ROBO2: variants seen among roughly 807,000 people sequenced by gnomAD.
ROBO2 encodes the protein roundabout homolog 2.
Under a neutral mutation model 160.8 loss-of-function variants are expected in ROBO2, and 53 were observed. That is an observed-to-expected ratio of 0.33 (90% CI 0.26 to 0.41). The LOEUF is 0.41. ROBO2 is among the 10% of genes least tolerant of loss of function. ROBO2 has a pLI of 1.00. For missense variants in ROBO2, 1,577 were observed against 1,722.4 expected, an observed-to-expected ratio of 0.92 and a Z score of 1.49; for synonymous variants, 664 against 611.7, an observed-to-expected ratio of 1.09 and a Z score of -1.26.
chr3:76,503,647 A>G (rs573984196), intron 2 of ROBO2, among the ~76,000 whole-genome samples: 1 of 152,336 alleles, frequency 6.6e-6, no homozygotes, highest in East Asian at 1.9e-4. Flanking sequence ...ATTTCGTGAC[A>G]ACACAGATGA....
At chr3:76,492,717 T>A (rs1044264006) in intron 2 of ROBO2, among the ~76,000 whole-genome samples, 13 of 152,176 alleles carry the variant, frequency 8.5e-5, no homozygotes, top group Admixed American at 7.9e-4. Context: ...ATACAGCTTT[T>A]TTTTTAGAGT....
At chr3:77,597,712 GGA>G (rs144828053) in intron 19 of ROBO2, among the ~76,000 whole-genome samples, 87,727 of 150,914 alleles carry the variant, frequency 0.58, 25,457 homozygotes, top group Middle Eastern at 0.68. Flanking sequence ...TCAAAAGTAT[GGA>G]AAAAAAAAAG....
intron 2 of ROBO2, among the ~76,000 whole-genome samples, chr3:77,148,059 A>G (rs964698986): frequency 6.6e-6 from 1 of 152,232 alleles, no homozygotes; most frequent in African/African-American, 2.4e-5. Flanking sequence ...TTGCATGACT[A>G]ATTTCCTGTC....
intron 2 of ROBO2, among the ~76,000 whole-genome samples, chr3:76,165,624 C>T (rs1014057000): frequency 5.9e-5 from 9 of 152,090 alleles, no homozygotes; most frequent in African/African-American, 2.2e-4. Flanking sequence ...TTTTAGCCTC[C>T]CTTGGCTGTT....
At chr3:76,788,781 A>C (rs2063160691) in intron 2 of ROBO2, among the ~76,000 whole-genome samples, 1 of 151,566 alleles carries the variant, frequency 6.6e-6, no homozygotes. Context: ...ATATTTCAGT[A>C]GTCGGGCCTT....
intron 2 of ROBO2, among the ~76,000 whole-genome samples, chr3:77,275,463 C>T (rs1380087905): frequency 6.6e-6 from 1 of 152,108 alleles, no homozygotes; most frequent in Non-Finnish European, 1.5e-5. Flanking sequence ...TACTTTGTGG[C>T]TAAAGATATT....
At chr3:76,099,209 C>T (rs6806589) in intron 2 of ROBO2, among the ~76,000 whole-genome samples, 83,968 of 151,766 alleles carry the variant, frequency 0.55, 23,704 homozygotes, top group Middle Eastern at 0.74. Flanking sequence ...TCCTTTTCTC[C>T]TCTTCTATCT....
intron 2 of ROBO2, among the ~76,000 whole-genome samples, chr3:76,093,500 A>AATGAT (rs2069316416): frequency 6.8e-6 from 1 of 148,114 alleles, no homozygotes; most frequent in Admixed American, 6.8e-5. Flanking sequence ...TATAATATAA[A>AATGAT]ATATTTATAC....
At position 77,635,059 on chromosome 3, in the gene ROBO2, T is replaced by C. The variant is rs1456465703; in HGVS notation, c.3934+16T>C. On this transcript the variant is annotated intron_variant, in intron 24 of 25. Transcript: ENST00000461745. Reference sequence around the variant, plus strand: ...ATGACAGATGGTAGGTTTCTTCCCTTTACTCTTGTTTCCTCGCTGAAGAGA... The same window carrying C: ...ATGACAGATGGTAGGTTTCTTCCCTCTACTCTTGTTTCCTCGCTGAAGAGA... 2 of 1,613,432 alleles carry C rather than the reference T, an allele frequency of 1.2e-6. No homozygotes were observed. The highest frequency in any genetic ancestry group is 1.6e-4 in the Middle Eastern group (1 of 6,062).
At chr3:76,434,316 C>T in intron 2 of ROBO2, 1 of 1,122,684 alleles carries the variant, frequency 8.9e-7, no homozygotes, top group Admixed American at 1.7e-5. Flanking sequence ...TTTGTTGGCA[C>T]CCATCTCAGA....
chr3:77,061,944 G>A (rs768737903), intron 1 of ROBO2, among the ~76,000 whole-genome samples: 22 of 152,132 alleles, frequency 1.4e-4, no homozygotes, highest in African/African-American at 1.9e-4. Context: ...ACACTGATCT[G>A]GTTCTTTCTT....
chr3:76,056,366 T>C (rs1326280701), intron 2 of ROBO2, among the ~76,000 whole-genome samples: 1 of 152,180 alleles, frequency 6.6e-6, no homozygotes, highest in East Asian at 1.9e-4. Flanking sequence ...TAGAATATAG[T>C]TCTAATACTA....
chr3:76,966,846 C>T (rs1403862504), intron 2 of ROBO2, among the ~76,000 whole-genome samples: 1 of 152,192 alleles, frequency 6.6e-6, no homozygotes, highest in Non-Finnish European at 1.5e-5. Flanking sequence ...GGTTCAAAAA[C>T]AGGAGGTTAA....
At chr3:76,699,943 G>A (rs1427454789) in intron 2 of ROBO2, among the ~76,000 whole-genome samples, 1 of 152,054 alleles carries the variant, frequency 6.6e-6, no homozygotes, top group Non-Finnish European at 1.5e-5. Flanking sequence ...ACAGAGCATG[G>A]TAAATGCAAC....
At chr3:76,067,554 A>G (rs1001270976) in intron 2 of ROBO2, among the ~76,000 whole-genome samples, 2 of 152,154 alleles carry the variant, frequency 1.3e-5, no homozygotes, top group Admixed American at 1.3e-4. Context: ...GCTCCATACA[A>G]TTAAGTAGAA....
intron 2 of ROBO2, among the ~76,000 whole-genome samples, chr3:76,662,776 G>A (rs1001443196): frequency 1.3e-5 from 2 of 152,146 alleles, no homozygotes; most frequent in Admixed American, 6.5e-5. Context: ...TGAGGAGTCA[G>A]GAAGGAAAAC....
At chr3:76,430,151 A>T (rs1474542759) in intron 2 of ROBO2, among the ~76,000 whole-genome samples, 3 of 152,162 alleles carry the variant, frequency 2.0e-5, no homozygotes, top group African/African-American at 7.2e-5. Context: ...CTTGGAGATA[A>T]ACAGTAATTC....
chr3:76,038,074 T>G (rs2067172214), intron 2 of ROBO2, among the ~76,000 whole-genome samples: 2 of 152,000 alleles, frequency 1.3e-5, no homozygotes, highest in South Asian at 4.1e-4. Flanking sequence ...TCATTTGTAT[T>G]TTTAGAGAAA....
chr3:77,425,583 A>G (rs1368482342), intron 2 of ROBO2, among the ~76,000 whole-genome samples: 1 of 152,034 alleles, frequency 6.6e-6, no homozygotes, highest in Non-Finnish European at 1.5e-5. Flanking sequence ...GTGAGGGTGA[A>G]GACTGGGTAT....
Sources: gnomAD v4.1 joint callset for allele counts (sites outside exome capture counted in the v4.1 genomes callset) on GRCh38, gnomAD v4.1.1 for gene constraint, MANE v1.5 for transcripts, NCBI Gene and HGNC (gene_info 2026-07-23, HGNC 2026-07-21) for gene names.